The following FBXL13 variants were observed in gnomAD, a reference collection of about 807,000 sequenced individuals.
FBXL13 encodes the protein F-box and leucine-rich repeat protein 13.
A neutral mutation model predicts 83.6 loss-of-function variants in FBXL13; 67 were observed. That is an observed-to-expected ratio of 0.80 (90% CI 0.66 to 0.98). The LOEUF (loss-of-function observed/expected upper bound fraction) is 0.98. Ranked by LOEUF, FBXL13 falls within the 50% of genes least tolerant of loss-of-function variation. The probability of loss-of-function intolerance (pLI) is 0.00; values close to 1 mark genes in which losing one functional copy is unlikely to be tolerated. For synonymous variants in FBXL13, 272 were observed against 299.5 expected, an observed-to-expected ratio of 0.91 and a Z score of 0.95; for missense variants, 822 against 866.5, an observed-to-expected ratio of 0.95 and a Z score of 0.64.
rs375354342 is a variant in FBXL13 at position 102,926,331 on chromosome 7, A to G, written c.821T>C (p.Leu274Pro). Reference sequence around the variant, plus strand: ...AGTTGTGTTAGACAGATTGAGACACAGGACCCCCGGGCAGCCCTCAGAAAT... The same window carrying G: ...AGTTGTGTTAGACAGATTGAGACACGGGACCCCCGGGCAGCCCTCAGAAAT... Residue 274 changes from leucine to proline, a missense_variant, in exon 10 of 20, where the codon CTG becomes CCG. Leu to Pro is a moderately conservative substitution (Grantham distance 98, BLOSUM62 -3). Coordinates refer to ENST00000313221, the Ensembl canonical transcript of FBXL13. The G allele has an allele frequency of 6.2e-6, 10 of 1,613,872 alleles. No individual in the cohort carries two copies. In the African/African-American group the frequency reaches 1.3e-4, roughly 22 times the overall value.
Position 102,834,879 on chromosome 7 carries a change from TG to T in FBXL13, c.1720-1906del, listed in dbSNP as rs1289339016. Among the ~76,000 whole-genome samples, 10 of 8,230 alleles carry T rather than the reference TG, an allele frequency of 1.2e-3. No individual in the cohort carries two copies. The Middle Eastern group carries it at 0.088, about 73-fold the overall frequency. The allele number at this position is 8,230 out of a possible 152,430, so 5.4% of individuals were successfully genotyped here. ...TTAGCTTGATTTAACCATTCCACAA[TG>T]TGTGTGTGTGTGTGTGTGTGTGTGT... On this transcript the variant is annotated intron_variant, in intron 17 of 19. Coordinates refer to ENST00000313221, the Ensembl canonical transcript of FBXL13.
At chr7:102,962,628 T>A (rs1825410826) in intron 8 of FBXL13, among the ~76,000 whole-genome samples, 1 of 152,014 alleles carries the variant, frequency 6.6e-6, no homozygotes, top group Admixed American at 6.6e-5. Flanking sequence ...GTGGCACATA[T>A]ACACCATGGA....
chr7:103,038,335 C>T lies in FBXL13; in HGVS notation c.1-8917G>A, dbSNP rs541368209. On this transcript the variant is annotated intron_variant, in intron 2 of 19. Coordinates refer to ENST00000313221, the Ensembl canonical transcript of FBXL13. The stretch of plus-strand genomic sequence containing the variant: ...AGCACAAACTGGGCGGAGCCCACCA[C>T]AGCTCAGCAAGGCCTACTGCCTCTA... 8.5e-5 allele frequency among the ~76,000 whole-genome samples: 13 copies of T among 152,380 alleles called. No individual in the cohort carries two copies. In the East Asian group the frequency reaches 9.7e-4, roughly 11 times the overall value.
At chr7:103,033,856 G>A (rs1008050781) in intron 2 of FBXL13, among the ~76,000 whole-genome samples, 4 of 152,128 alleles carry the variant, frequency 2.6e-5, no homozygotes, top group South Asian at 2.1e-4. Context: ...CCTGCTGATC[G>A]GTAGAGCCAA....
At chr7:102,965,388 A>T (rs1342350773) in intron 7 of FBXL13, among the ~76,000 whole-genome samples, 2 of 152,186 alleles carry the variant, frequency 1.3e-5, no homozygotes, top group African/African-American at 4.8e-5. Flanking sequence ...AAACTGAGAA[A>T]ATGCAAATAA....
intron 2 of FBXL13, among the ~76,000 whole-genome samples, chr7:103,033,020 A>C (rs1794663084): frequency 6.6e-6 from 1 of 150,936 alleles, no homozygotes; most frequent in African/African-American, 2.4e-5. Flanking sequence ...ACAGAGTGAG[A>C]CTCTCTCTCT....
At chr7:103,068,554 A>ATC (rs1798616534) in intron 1 of FBXL13, among the ~76,000 whole-genome samples, 1 of 152,244 alleles carries the variant, frequency 6.6e-6, no homozygotes, top group Non-Finnish European at 1.5e-5. Flanking sequence ...GAGCCATGGA[A>ATC]TTCCAGGGGA....
At chr7:103,009,297 T>G (rs1435813608) in intron 6 of FBXL13, among the ~76,000 whole-genome samples, 4 of 151,108 alleles carry the variant, frequency 2.6e-5, no homozygotes, top group Non-Finnish European at 5.9e-5. Context: ...ACACTGACCC[T>G]GCAGGCCAAC....
chr7:102,922,411 C>T (rs1328486616), intron 10 of FBXL13, among the ~76,000 whole-genome samples: 6 of 151,772 alleles, frequency 4.0e-5, no homozygotes, highest in Admixed American at 6.6e-5. Context: ...AAATTAGTTC[C>T]TAGTTTAATT....
chr7:102,955,913 A>G (rs1314822887), intron 8 of FBXL13, among the ~76,000 whole-genome samples: 1 of 152,088 alleles, frequency 6.6e-6, no homozygotes, highest in Non-Finnish European at 1.5e-5. Flanking sequence ...CCAAAAAAAG[A>G]CCAGGACCAG....
At chr7:103,067,593 T>C (rs1007701221) in intron 1 of FBXL13, among the ~76,000 whole-genome samples, 3 of 152,232 alleles carry the variant, frequency 2.0e-5, no homozygotes, top group African/African-American at 4.8e-5. Flanking sequence ...TCAAGCTACA[T>C]GGAGATGTTA....
chr7:102,811,859 T>G (rs1797453971), downstream of FBXL13, among the ~76,000 whole-genome samples: 1 of 152,228 alleles, frequency 6.6e-6, no homozygotes, highest in South Asian at 2.1e-4. Context: ...TAGGAACCTT[T>G]CCACAGCTAA....
chr7:102,975,927 A>G, intron 6 of FBXL13: 1 of 764,160 alleles, frequency 1.3e-6, no homozygotes, highest in Non-Finnish European at 2.4e-6. Flanking sequence ...CTCCACACAG[A>G]AGCCTCCTAG....
chr7:102,889,882 T>A (rs186606084), intron 11 of FBXL13, among the ~76,000 whole-genome samples: 39 of 152,132 alleles, frequency 2.6e-4, no homozygotes, highest in Admixed American at 6.5e-4. Context: ...AACACGTTCA[T>A]GACAAGATTT....
chr7:102,937,245 A>C (rs995381519), intron 8 of FBXL13, among the ~76,000 whole-genome samples: 3 of 152,050 alleles, frequency 2.0e-5, no homozygotes, highest in Non-Finnish European at 4.4e-5. Context: ...CACGCCTATA[A>C]TCCCAGCACT....
chr7:103,033,599 G>A (rs536595312), intron 2 of FBXL13, among the ~76,000 whole-genome samples: 46 of 152,212 alleles, frequency 3.0e-4, no homozygotes, highest in Non-Finnish European at 5.4e-4. Flanking sequence ...TTAAGGCAGC[G>A]CGTCTGGAGT....
At chr7:102,943,354 A>T (rs1198073790) in intron 8 of FBXL13, among the ~76,000 whole-genome samples, 1 of 152,010 alleles carries the variant, frequency 6.6e-6, no homozygotes, top group Non-Finnish European at 1.5e-5. Context: ...AAAAAAGCCC[A>T]AAATACATTT....
chr7:102,951,913 A>G (rs577782042), intron 8 of FBXL13, among the ~76,000 whole-genome samples: 2 of 152,244 alleles, frequency 1.3e-5, no homozygotes, highest in Admixed American at 6.5e-5. Context: ...TTATAGTAGT[A>G]TTATTCACAA....
intron 1 of FBXL13, among the ~76,000 whole-genome samples, chr7:103,073,208 A>G (rs923903415): frequency 1.3e-5 from 2 of 152,244 alleles, no homozygotes; most frequent in African/African-American, 4.8e-5. Context: ...TCTTAAAGCT[A>G]GATATATACA....
Sources: allele counts gnomAD v4.1 joint callset (sites outside exome capture counted in the v4.1 genomes callset), GRCh38; gene constraint gnomAD v4.1.1; transcripts MANE v1.5; gene names NCBI Gene and HGNC (gene_info 2026-07-23, HGNC 2026-07-21).